The following AFF3 variants were observed in gnomAD, a reference collection of about 807,000 sequenced individuals.
AFF3 encodes the protein AF4/FMR2 family member 3.
Under a neutral mutation model 129.7 loss-of-function variants are expected in AFF3, and 32 were observed. The ratio of observed to expected loss-of-function variants is 0.25; its 90% CI spans 0.19 to 0.33. AFF3 has a LOEUF of 0.33. AFF3 is among the 10% of genes least tolerant of loss of function. The probability of loss-of-function intolerance (pLI) is 1.00; values close to 1 mark genes in which losing one functional copy is unlikely to be tolerated. For missense variants in AFF3, 1,373 were observed against 1,592.0 expected, an observed-to-expected ratio of 0.86 and a Z score of 2.34; for synonymous variants, 644 against 635.4, an observed-to-expected ratio of 1.01 and a Z score of -0.20.
chr2:100,099,751 G>A (rs1431919481), intron 4 of AFF3, among the ~76,000 whole-genome samples: 2 of 152,126 alleles, frequency 1.3e-5, no homozygotes, highest in Non-Finnish European at 2.9e-5. Context: ...GTACAGCAGG[G>A]TTTCCTAAAC....
chr2:99,851,892 GT>G (rs1553466175), intron 7 of AFF3, among the ~76,000 whole-genome samples: 2 of 151,996 alleles, frequency 1.3e-5, no homozygotes, highest in Admixed American at 6.6e-5. Context: ...CAATATTAAC[GT>G]TTTTTTCCCC....
At chr2:99,631,340 T>C (rs1683097664) in intron 13 of AFF3, among the ~76,000 whole-genome samples, 1 of 152,240 alleles carries the variant, frequency 6.6e-6, no homozygotes, top group Non-Finnish European at 1.5e-5. Flanking sequence ...TTACCCATAG[T>C]AAAATACATA....
At chr2:99,922,760 C>G (rs1223047623) in intron 7 of AFF3, among the ~76,000 whole-genome samples, 1 of 152,160 alleles carries the variant, frequency 6.6e-6, no homozygotes, top group Non-Finnish European at 1.5e-5. Flanking sequence ...AAGATCTTCT[C>G]AAGTAAACAT....
chr2:99,593,173 C>T (rs925160056), intron 15 of AFF3, 22 bp downstream of exon 15: 5 of 1,545,706 alleles, frequency 3.2e-6, no homozygotes, highest in Non-Finnish European at 4.4e-6. Context: ...CGCCCCCGCA[C>T]CCCAGTCAGC....
rs541509236 is a variant in AFF3 at position 99,798,364 on chromosome 2, G to A, written c.921+39113C>T. 5.3e-5 allele frequency among the ~76,000 whole-genome samples: 8 copies of A among 151,970 alleles called. No individual in the cohort carries two copies. The South Asian group carries it at 1.7e-3, about 32-fold the overall frequency. On this transcript the variant is annotated intron_variant, in intron 8 of 24. Transcript: ENST00000672756. ...AATTATTCAATTACATTAAATAATTGCATTCAATGCTAACTGCATTGAATT... is the reference window on the plus strand; with the variant it reads ...AATTATTCAATTACATTAAATAATTACATTCAATGCTAACTGCATTGAATT...
chr2:99,795,811 C>T (rs897043666), intron 8 of AFF3, among the ~76,000 whole-genome samples: 26 of 152,094 alleles, frequency 1.7e-4, no homozygotes, highest in East Asian at 9.7e-4. Context: ...TAGGTCTACA[C>T]GGTGCTTTGC....
chr2:99,744,027 T>G, intron 10 of AFF3, 77 bp downstream of exon 10: 1 of 1,298,930 alleles, frequency 7.7e-7, no homozygotes, highest in Non-Finnish European at 1.1e-6. Context: ...CAATGTGTGC[T>G]CATCCTCCCT....
At chr2:99,719,127 T>C (rs535512427) in intron 11 of AFF3, among the ~76,000 whole-genome samples, 89 of 136,556 alleles carry the variant, frequency 6.5e-4, no homozygotes, top group African/African-American at 2.4e-3. Flanking sequence ...TGGCTGGGAG[T>C]GTTTTTTTTT....
chr2:99,773,748 G>C (rs971607788), intron 8 of AFF3, among the ~76,000 whole-genome samples: 1 of 152,158 alleles, frequency 6.6e-6, no homozygotes, highest in Non-Finnish European at 1.5e-5. Flanking sequence ...GCAAGAGAAA[G>C]AATTAAAGGG....
intron 4 of AFF3, among the ~76,000 whole-genome samples, chr2:100,018,914 T>C (rs1683362418): frequency 6.6e-6 from 1 of 152,180 alleles, no homozygotes; most frequent in Non-Finnish European, 1.5e-5. Context: ...CTCCAACAAA[T>C]GCTCAGTTAA....
intron 4 of AFF3, among the ~76,000 whole-genome samples, chr2:100,012,814 T>C (rs977862049): frequency 6.6e-6 from 1 of 152,202 alleles, no homozygotes; most frequent in African/African-American, 2.4e-5. Flanking sequence ...AACATATACA[T>C]TAAACTCAAA....
intron 13 of AFF3, among the ~76,000 whole-genome samples, chr2:99,633,639 T>C (rs1276264281): frequency 5.9e-5 from 9 of 152,122 alleles, no homozygotes; most frequent in African/African-American, 1.7e-4. Flanking sequence ...AAAGGCTCGG[T>C]GCCGTCCTCC....
intron 22 of AFF3, among the ~76,000 whole-genome samples, chr2:99,557,279 CTTTTTTTTT>C (rs201716560): frequency 7.5e-6 from 1 of 133,686 alleles, no homozygotes; most frequent in Admixed American, 7.5e-5. Flanking sequence ...TTGTGTTTTC[CTTTTTTTTT>C]TTTTTTTTTG....
Position 99,731,895 on chromosome 2 carries a change from C to T in AFF3, c.1040-4767G>A, listed in dbSNP as rs143988612. Among the ~76,000 whole-genome samples the T allele has an allele frequency of 4.5e-3, 682 of 152,248 alleles. 3 individuals carry two copies. The highest frequency in any genetic ancestry group is 0.015 in the African/African-American group (642 of 41,538). ...CCCTAAAATACTGTTAAATAGAGCA[C>T]GCATTTAGTGAACATAAAATGTATA... On this transcript the variant is annotated intron_variant, in intron 10 of 24. Transcript: ENST00000672756.
intron 4 of AFF3, among the ~76,000 whole-genome samples, chr2:100,037,773 A>T (rs1328093366): frequency 7.4e-6 from 1 of 134,360 alleles, no homozygotes; most frequent in Non-Finnish European, 1.5e-5. Flanking sequence ...TAATAAATAT[A>T]TTTATTTTTA....
rs560870515 is a variant in AFF3 at position 99,798,688 on chromosome 2, C to T, written c.921+38789G>A. On this transcript the variant is annotated intron_variant, in intron 8 of 24. Transcript: ENST00000672756. ...ATATTAATATTAAGGTAGATCTTAA[C>T]GCAGCCAGGGATAAAGAAGTTTATA... Among the ~76,000 whole-genome samples the T allele has an allele frequency of 1.6e-3, 240 of 151,860 alleles. 3 individuals are homozygous for T. Among genetic ancestry groups the T allele is most frequent in the Middle Eastern group, 6.9e-3 (2 of 288 alleles).
At chr2:99,848,984 A>T (rs1473185176) in intron 7 of AFF3, among the ~76,000 whole-genome samples, 1 of 152,122 alleles carries the variant, frequency 6.6e-6, no homozygotes, top group African/African-American at 2.4e-5. Context: ...ATGCAACCAA[A>T]TGGGGGACTT....
At chr2:99,767,298 T>C (rs553886118) in intron 8 of AFF3, among the ~76,000 whole-genome samples, 1 of 152,310 alleles carries the variant, frequency 6.6e-6, no homozygotes, top group South Asian at 2.1e-4. Context: ...AGTTGCTGCA[T>C]GGTTCTGATG....
chr2:100,072,881 CTTT>C (rs1479447576), intron 4 of AFF3, among the ~76,000 whole-genome samples: 1 of 152,150 alleles, frequency 6.6e-6, no homozygotes, highest in African/African-American at 2.4e-5. Flanking sequence ...TAACTGAGTT[CTTT>C]GTTTCCTATT....
Sources: gnomAD v4.1 joint callset for allele counts (sites outside exome capture counted in the v4.1 genomes callset) on GRCh38, gnomAD v4.1.1 for gene constraint, MANE v1.5 for transcripts, NCBI Gene and HGNC (gene_info 2026-07-23, HGNC 2026-07-21) for gene names.